The following SHISA9 variants were observed in gnomAD, a reference collection of about 807,000 sequenced individuals.
SHISA9 encodes the protein protein shisa-9.
SHISA9 carries 13 observed loss-of-function variants against 38.0 expected under a neutral mutation model. The observed-to-expected ratio is 0.34, with a 90% CI of 0.22 to 0.54. SHISA9 has a LOEUF of 0.54. Ranked by LOEUF, SHISA9 falls within the 20% of genes least tolerant of loss-of-function variation. SHISA9 has a pLI of 0.91. For synonymous variants in SHISA9, 275 were observed against 242.0 expected (o/e 1.14, Z -1.27); for missense variants, 538 against 575.8 (o/e 0.93, Z 0.67).
the SHISA9 span, among the ~76,000 whole-genome samples, chr16:13,369,882 G>C: frequency 6.6e-6 from 1 of 152,082 alleles, no homozygotes; most frequent in Non-Finnish European, 1.5e-5. Context: ...CCCCTCCGCA[G>C]ACCAATTGAA....
intron 2 of SHISA9, among the ~76,000 whole-genome samples, chr16:12,973,854 C>T (rs548313661): frequency 3.3e-5 from 5 of 152,174 alleles, no homozygotes; most frequent in South Asian, 2.1e-4. Flanking sequence ...TGTATAGCCT[C>T]GAAAAAGGCT....
chr16:13,249,197 G>T, the SHISA9 span, among the ~76,000 whole-genome samples: 55 of 152,260 alleles, frequency 3.6e-4, no homozygotes, highest in African/African-American at 1.3e-3. Context: ...CATTAGTCCT[G>T]GTCCAGCTGG....
chr16:13,457,844 G>T, the SHISA9 span, among the ~76,000 whole-genome samples: 1 of 151,964 alleles, frequency 6.6e-6, no homozygotes, highest in Non-Finnish European at 1.5e-5. Context: ...TCACATATGA[G>T]AAATAGTAAA....
chr16:12,969,416 C>G (rs2072025469), intron 2 of SHISA9, among the ~76,000 whole-genome samples: 1 of 150,840 alleles, frequency 6.6e-6, no homozygotes, highest in South Asian at 2.1e-4. Flanking sequence ...ATTCATCACT[C>G]CTTGCACTTA....
At chr16:13,532,979 C>T in the SHISA9 span, among the ~76,000 whole-genome samples, 1 of 152,122 alleles carries the variant, frequency 6.6e-6, no homozygotes, top group Non-Finnish European at 1.5e-5. Context: ...CACCTCAGCC[C>T]CTTACTTACC....
the SHISA9 span, among the ~76,000 whole-genome samples, chr16:13,555,177 C>G: frequency 6.6e-6 from 1 of 152,096 alleles, no homozygotes; most frequent in Non-Finnish European, 1.5e-5. Context: ...ATTAAATGAG[C>G]AAATAACCTA....
At chr16:13,492,620 C>T in the SHISA9 span, among the ~76,000 whole-genome samples, 15 of 152,208 alleles carry the variant, frequency 9.9e-5, no homozygotes, top group Non-Finnish European at 1.9e-4. Context: ...AGCCATTCAC[C>T]ACTGTATCCA....
chr16:13,397,834 AG>A, the SHISA9 span, among the ~76,000 whole-genome samples: 1 of 152,190 alleles, frequency 6.6e-6, no homozygotes, highest in Non-Finnish European at 1.5e-5. Flanking sequence ...TCTGTATCCC[AG>A]GGTTTCTTGC....
chr16:13,111,103 C>G (rs918857644), intron 2 of SHISA9, among the ~76,000 whole-genome samples: 1 of 152,064 alleles, frequency 6.6e-6, no homozygotes, highest in Non-Finnish European at 1.5e-5. Flanking sequence ...AAGAGAAAAC[C>G]TAGGCAATAC....
intron 2 of SHISA9, among the ~76,000 whole-genome samples, chr16:13,185,034 C>T (rs574226008): frequency 2.6e-5 from 4 of 152,174 alleles, no homozygotes; most frequent in Non-Finnish European, 5.9e-5. Context: ...TTTTACATTA[C>T]CAACAGCAAG....
At chr16:12,929,869 C>T (rs536777544) in intron 2 of SHISA9, among the ~76,000 whole-genome samples, 1 of 152,296 alleles carries the variant, frequency 6.6e-6, no homozygotes, top group East Asian at 1.9e-4. Flanking sequence ...TACATACGCT[C>T]TTCCCTCTGC....
chr16:13,408,268 T>C, the SHISA9 span, among the ~76,000 whole-genome samples: 190 of 152,182 alleles, frequency 1.2e-3, 2 homozygotes, highest in East Asian at 0.034. Context: ...AAAATTAAAA[T>C]ATAAAAGTTG....
At position 12,970,485 on chromosome 16, in the gene SHISA9, A is replaced by ACATATATGTGTG. The variant is rs1567168073; in HGVS notation, c.691+53670_691+53671insCATATATGTGTG. Among the ~76,000 whole-genome samples, 51 of 24,080 alleles carry ACATATATGTGTG rather than the reference A, an allele frequency of 2.1e-3. 1 individual carries two copies. Among genetic ancestry groups the ACATATATGTGTG allele is most frequent in the African/African-American group, 7.4e-3 (49 of 6,592 alleles). The allele number at this position is 24,080 out of a possible 152,430, so 15.8% of individuals were successfully genotyped here. ...TATGTGTGTGTATATATATATATAT[A>ACATATATGTGTG]TATATATATATATTTTTTTTTTTTT... On this transcript the variant is annotated intron_variant, in intron 2 of 4. Coordinates refer to ENST00000558583, the MANE Select transcript of SHISA9 (RefSeq NM_001145204.3).
intron 2 of SHISA9, among the ~76,000 whole-genome samples, chr16:12,948,904 G>T (rs1159648229): frequency 6.6e-6 from 1 of 152,108 alleles, no homozygotes; most frequent in Non-Finnish European, 1.5e-5. Context: ...CCAACATTAT[G>T]CCATAAGCAT....
chr16:13,196,220 AC>A (rs2050939081), intron 2 of SHISA9, among the ~76,000 whole-genome samples: 2 of 150,052 alleles, frequency 1.3e-5, no homozygotes. Context: ...AGACGGTGAA[AC>A]CCCGTCTCTA....
chr16:12,993,378 ATT>A (rs2072414183), intron 2 of SHISA9, among the ~76,000 whole-genome samples: 1 of 152,092 alleles, frequency 6.6e-6, no homozygotes. Context: ...ATACAACTGG[ATT>A]TGTATCTGGT....
At chr16:13,467,191 T>G in the SHISA9 span, among the ~76,000 whole-genome samples, 1 of 152,102 alleles carries the variant, frequency 6.6e-6, no homozygotes, top group Non-Finnish European at 1.5e-5. Flanking sequence ...GAGACTGACC[T>G]GTGAATCAGT....
At chr16:13,215,715 C>T (rs911423089) in intron 4 of SHISA9, among the ~76,000 whole-genome samples, 9 of 152,054 alleles carry the variant, frequency 5.9e-5, no homozygotes, top group South Asian at 4.1e-4. Flanking sequence ...GCACCTTTAT[C>T]CTGCCTTGTC....
chr16:13,350,760 A>G, the SHISA9 span: 1 of 152,176 alleles, frequency 6.6e-6, no homozygotes, highest in Non-Finnish European at 1.5e-5. Flanking sequence ...AGAAAGAGTG[A>G]GGAAAAAACT....
Sources: gnomAD v4.1 joint callset for allele counts (sites outside exome capture counted in the v4.1 genomes callset) on GRCh38, gnomAD v4.1.1 for gene constraint, MANE v1.5 for transcripts, NCBI Gene and HGNC (gene_info 2026-07-23, HGNC 2026-07-21) for gene names.